The following ARID1B variants were observed in gnomAD, a reference collection of about 807,000 sequenced individuals.
ARID1B encodes AT-rich interaction domain 1B, also known as AT-rich interactive domain-containing protein 1B.
A neutral mutation model predicts 212.3 loss-of-function variants in ARID1B; 30 were observed. The observed-to-expected ratio is 0.14, with a 90% CI of 0.11 to 0.19. ARID1B has a LOEUF of 0.19. Ranked by LOEUF, ARID1B falls within the 10% of genes least tolerant of loss-of-function variation. The pLI is 1.00. For synonymous variants in ARID1B, 1,402 were observed against 1,301.7 expected (o/e 1.08, Z -1.66); for missense variants, 2,891 against 3,204.0 (o/e 0.90, Z 2.36).
chr6:157,206,947 C>T lies in ARID1B; in HGVS notation c.6175C>T (p.His2059Tyr). 1.9e-6 allele frequency: 3 copies of T among 1,614,234 alleles called. No individual in the cohort carries two copies. The highest frequency in any genetic ancestry group is 1.7e-6 in the Non-Finnish European group (2 of 1,180,046). Residue 2059 changes from histidine (H) to tyrosine (Y), a missense_variant, in exon 20 of 20, where the codon CAC (histidine) becomes TAC (tyrosine). His to Tyr is a moderately conservative substitution (Grantham distance 83). Coordinates refer to ENST00000636930, the MANE Select transcript of ARID1B (RefSeq NM_001374828.1). The surrounding 1 kb of genome is among the most constrained non-coding windows in gnomAD (Gnocchi z 6.8). Reference sequence around the variant, plus strand: ...CGAGACTCCTCTGTGTACCATCGCGCACTGGCAGGACTCGCTGGCTAAGCG... The same window carrying T: ...CGAGACTCCTCTGTGTACCATCGCGTACTGGCAGGACTCGCTGGCTAAGCG... ...RDETPLCTIA[H>Y]WQDSLAKRCI...
intron 6 of ARID1B, among the ~76,000 whole-genome samples, chr6:157,123,234 C>T (rs549389460): frequency 0.049 from 725 of 14,744 alleles, 14 homozygotes; most frequent in African/African-American, 0.14. Flanking sequence ...CCCCCCCGCC[C>T]CCCGCCCCCC....
intron 4 of ARID1B, among the ~76,000 whole-genome samples, chr6:157,063,840 C>G (rs1303837057): frequency 6.6e-6 from 1 of 152,138 alleles, no homozygotes; most frequent in African/African-American, 2.4e-5. Flanking sequence ...AGACCAAGAT[C>G]TGGTTCTCTG....
intron 4 of ARID1B, among the ~76,000 whole-genome samples, chr6:156,956,932 A>G (rs62434296): frequency 0.041 from 6,184 of 152,310 alleles, 144 homozygotes; most frequent in Middle Eastern, 0.058. Flanking sequence ...GTTCTAGATT[A>G]TGGATCCCAT....
At chr6:156,873,191 A>G (rs1786285614) in intron 2 of ARID1B, among the ~76,000 whole-genome samples, 1 of 152,218 alleles carries the variant, frequency 6.6e-6, no homozygotes, top group South Asian at 2.1e-4. Flanking sequence ...ATACGGGTTG[A>G]AGAAAAGGGG....
At chr6:157,181,733 CTG>C (rs1792552630) in intron 12 of ARID1B, among the ~76,000 whole-genome samples, 1 of 152,162 alleles carries the variant, frequency 6.6e-6, no homozygotes. Context: ...GAGCTATCCA[CTG>C]TGTGCTTGCT....
intron 4 of ARID1B, among the ~76,000 whole-genome samples, chr6:156,962,972 G>A (rs1794498064): frequency 1.3e-5 from 2 of 151,952 alleles, no homozygotes; most frequent in Admixed American, 6.6e-5. Context: ...TAGTAGAGAC[G>A]GGGTTTCACC....
chr6:157,033,898 A>C (rs1175310916), intron 4 of ARID1B, among the ~76,000 whole-genome samples: 3 of 152,112 alleles, frequency 2.0e-5, no homozygotes, highest in Admixed American at 6.5e-5. Context: ...GCCCCTTCAC[A>C]CCTCTGTACT....
chr6:156,836,887 A>G (rs1461264045), intron 2 of ARID1B, among the ~76,000 whole-genome samples: 1 of 151,338 alleles, frequency 6.6e-6, no homozygotes, highest in Non-Finnish European at 1.5e-5. Context: ...CTGGTTTTGA[A>G]CTTCAGGACT....
intron 5 of ARID1B, among the ~76,000 whole-genome samples, chr6:157,087,886 T>C (rs887699804): frequency 6.6e-6 from 1 of 152,128 alleles, no homozygotes; most frequent in African/African-American, 2.4e-5. Context: ...AGAGAATGAC[T>C]GTACCCCAGA....
chr6:157,176,609 G>A (rs1792119511), intron 11 of ARID1B, among the ~76,000 whole-genome samples: 1 of 152,216 alleles, frequency 6.6e-6, no homozygotes, highest in South Asian at 2.1e-4. Flanking sequence ...ACTTTGGGAG[G>A]ACGAGGCGAG....
chr6:156,861,643 A>G (rs1785341944), intron 2 of ARID1B, among the ~76,000 whole-genome samples: 1 of 152,118 alleles, frequency 6.6e-6, no homozygotes, highest in African/African-American at 2.4e-5. Flanking sequence ...TAATAAATAA[A>G]TAAGAAACCA....
At chr6:157,009,035 C>T (rs1216831252) in intron 4 of ARID1B, among the ~76,000 whole-genome samples, 1 of 152,166 alleles carries the variant, frequency 6.6e-6, no homozygotes, top group Non-Finnish European at 1.5e-5. Flanking sequence ...ATAAAATAAT[C>T]GGCTTCTTTG....
At chr6:156,829,202 A>G (rs1307095730) in intron 1 of ARID1B, 25 bp from the exon 2 acceptor site, 2 of 1,573,784 alleles carry the variant, frequency 1.3e-6, no homozygotes, top group East Asian at 2.3e-5. Context: ...GAATTAATAA[A>G]CCGACTTCTT....
intron 1 of ARID1B, among the ~76,000 whole-genome samples, chr6:156,820,831 T>C (rs1782302099): frequency 6.6e-6 from 1 of 152,144 alleles, no homozygotes; most frequent in Non-Finnish European, 1.5e-5. Flanking sequence ...GCAAATATGG[T>C]ATTGTACTTG....
intron 5 of ARID1B, among the ~76,000 whole-genome samples, chr6:157,091,192 T>C (rs1785255132): frequency 6.6e-6 from 1 of 152,150 alleles, no homozygotes; most frequent in South Asian, 2.1e-4. Context: ...TGGCCATTCC[T>C]AGAGGGCGAG....
Position 157,154,828 on chromosome 6 carries a change from G to A in ARID1B, c.3089+5877G>A, listed in dbSNP as rs570508433. 5.3e-5 allele frequency among the ~76,000 whole-genome samples: 8 copies of A among 151,946 alleles called. No individual in the cohort carries two copies. The East Asian group carries it at 5.8e-4, about 11-fold the overall frequency. On this transcript the variant is annotated intron_variant, in intron 8 of 19. Transcript: ENST00000636930. ...GATCTCTTAACGTCGTGATCCACCC[G>A]CCTCGGCCTCCCAAAGTGCTGGGAT... is the stretch of plus-strand genomic sequence containing the variant.
At chr6:157,050,418 A>G (rs1782523336) in intron 4 of ARID1B, among the ~76,000 whole-genome samples, 1 of 152,028 alleles carries the variant, frequency 6.6e-6, no homozygotes, top group South Asian at 2.1e-4. Context: ...GTGGTGCGTG[A>G]CTGTAATCGC....
In ARID1B at chr6:156,935,513, C is replaced by T. The variant is rs2128274820; in HGVS notation, c.2184C>T (p.Ala728=). 2.5e-6 allele frequency: 4 copies of T among 1,613,900 alleles called. No homozygotes were observed. The highest frequency in any genetic ancestry group is 3.4e-6 in the Non-Finnish European group (4 of 1,179,924). ...GYGTRSQPPL[A]PGKPNHEDLN... ...GAACTAGATCTCAACCTCCTCTGGC[C>T]CCCGGAAAACCTAACCATGAAGACT... Residue 728 remains alanine (A), a synonymous_variant, in exon 4 of 20, where the codon GCC becomes GCT. Transcript: ENST00000636930.
At chr6:157,049,878 A>G (rs970542602) in intron 4 of ARID1B, among the ~76,000 whole-genome samples, 1 of 152,174 alleles carries the variant, frequency 6.6e-6, no homozygotes, top group Non-Finnish European at 1.5e-5. Flanking sequence ...TTTAAGTTTT[A>G]ATCTCCTCAT....
Sources: gnomAD v4.1 joint callset for allele counts (sites outside exome capture counted in the v4.1 genomes callset) on GRCh38, gnomAD v4.1.1 for gene constraint, Gnocchi (gnomAD v3.1) non-coding constraint, MANE v1.5 for transcripts, NCBI Gene and HGNC (gene_info 2026-07-23, HGNC 2026-07-21) for gene names.